The following RGS6 variants were observed in gnomAD, a reference collection of about 807,000 sequenced individuals.
RGS6 encodes the protein regulator of G-protein signaling 6.
A neutral mutation model predicts 78.5 loss-of-function variants in RGS6; 30 were observed. The ratio of observed to expected loss-of-function variants is 0.38; its 90% CI spans 0.29 to 0.52. The LOEUF (loss-of-function observed/expected upper bound fraction) is 0.52, where lower values mean the gene tolerates loss of function less well. RGS6 is among the 20% of genes least tolerant of loss of function. The pLI, the probability that RGS6 is intolerant of heterozygous loss-of-function variation, is 0.85. For missense variants in RGS6, 495 were observed against 609.7 expected (o/e 0.81, Z 1.98); for synonymous variants, 206 against 206.0 (o/e 1.00, Z 0.00).
At chr14:72,421,186 G>A (rs953496052) in intron 3 of RGS6, 3 of 151,986 alleles carry the variant, frequency 2.0e-5, no homozygotes, top group African/African-American at 7.3e-5. Flanking sequence ...GCATGGATTG[G>A]TTCGAATAAT....
chr14:72,287,000 T>G (rs987379042), intron 2 of RGS6, among the ~76,000 whole-genome samples: 1 of 152,212 alleles, frequency 6.6e-6, no homozygotes, highest in African/African-American at 2.4e-5. Flanking sequence ...GCCAGGCTGG[T>G]CTCAAACTCC....
At chr14:72,561,376 G>T (rs994027655) in intron 17 of RGS6, among the ~76,000 whole-genome samples, 8 of 152,192 alleles carry the variant, frequency 5.3e-5, no homozygotes, top group African/African-American at 1.7e-4. Context: ...CAATAATATG[G>T]GTTTGGAGTG....
intron 17 of RGS6, among the ~76,000 whole-genome samples, chr14:72,554,399 C>G (rs2097543746): frequency 6.6e-6 from 1 of 152,232 alleles, no homozygotes; most frequent in Non-Finnish European, 1.5e-5. Context: ...AACTAAATTC[C>G]AGCTTCACTG....
At chr14:72,042,134 T>C (rs1365290292) in intron 2 of RGS6, among the ~76,000 whole-genome samples, 1 of 136,950 alleles carries the variant, frequency 7.3e-6, no homozygotes, top group African/African-American at 2.9e-5. Context: ...TTTTTCTTTT[T>C]TTTTTTTTTT....
chr14:72,378,434 AAAAC>A (rs1353412131), intron 3 of RGS6, among the ~76,000 whole-genome samples: 5 of 152,102 alleles, frequency 3.3e-5, no homozygotes, highest in South Asian at 2.1e-4. Context: ...TTGGAAAAGA[AAAAC>A]AAAATTTTAA....
intron 2 of RGS6, among the ~76,000 whole-genome samples, chr14:72,022,007 T>C (rs1020002655): frequency 2.0e-5 from 3 of 152,150 alleles, no homozygotes; most frequent in Admixed American, 6.6e-5. Flanking sequence ...CTCCCACTTA[T>C]AAGAGAGAAC....
intron 2 of RGS6, among the ~76,000 whole-genome samples, chr14:72,162,670 A>G (rs1358148290): frequency 6.6e-6 from 1 of 152,202 alleles, no homozygotes; most frequent in Non-Finnish European, 1.5e-5. Context: ...AAAAGAAGTC[A>G]TTATACGAAA....
At chr14:72,446,510 G>A (rs562561002) in intron 3 of RGS6, among the ~76,000 whole-genome samples, 1 of 152,328 alleles carries the variant, frequency 6.6e-6, no homozygotes, top group Admixed American at 6.5e-5. Context: ...GAGTCAGCTA[G>A]AGCTGTGTTC....
chr14:72,357,418 G>A (rs1382192170), intron 3 of RGS6, among the ~76,000 whole-genome samples: 3 of 152,142 alleles, frequency 2.0e-5, no homozygotes, highest in Admixed American at 2.0e-4. Context: ...AGGAAGATGT[G>A]GGAAAGTTTA....
chr14:72,138,123 A>G (rs956336362), intron 2 of RGS6, among the ~76,000 whole-genome samples: 2 of 152,188 alleles, frequency 1.3e-5, no homozygotes, highest in South Asian at 4.1e-4. Context: ...TATCACACCT[A>G]TTATAAAGCA....
intron 2 of RGS6, among the ~76,000 whole-genome samples, chr14:72,147,820 G>A (rs890384033): frequency 3.9e-5 from 6 of 152,110 alleles, no homozygotes; most frequent in Admixed American, 6.5e-5. Context: ...GGCTATGCAG[G>A]ACCTTATAAC....
chr14:71,872,619 G>GT, the RGS6 span, among the ~76,000 whole-genome samples: 2 of 152,088 alleles, frequency 1.3e-5, no homozygotes, highest in African/African-American at 4.8e-5. Context: ...CCCAATATCA[G>GT]TAAGTTTTTT....
At chr14:71,899,288 C>G in the RGS6 span, among the ~76,000 whole-genome samples, 29 of 152,318 alleles carry the variant, frequency 1.9e-4, no homozygotes, top group African/African-American at 7.0e-4. Context: ...GCCTTTGCCA[C>G]GAAAATTCTT....
intron 2 of RGS6, chr14:71,990,915 A>G (rs1401926959): frequency 2.2e-6 from 1 of 450,574 alleles, no homozygotes; most frequent in Non-Finnish European, 4.5e-6. Context: ...CATCCTCCAC[A>G]TAGTTGGCAT....
chr14:72,359,837 A>C (rs902628677), intron 3 of RGS6, among the ~76,000 whole-genome samples: 1 of 152,220 alleles, frequency 6.6e-6, no homozygotes, highest in South Asian at 2.1e-4. Context: ...CATTGCCTTT[A>C]GCAATGCTGA....
chr14:72,280,882 G>C (rs917142738), intron 2 of RGS6, among the ~76,000 whole-genome samples: 1 of 152,140 alleles, frequency 6.6e-6, no homozygotes, highest in Non-Finnish European at 1.5e-5. Flanking sequence ...TCGTCCCACA[G>C]AAAATAGAAG....
intron 2 of RGS6, among the ~76,000 whole-genome samples, chr14:72,050,359 C>G (rs1395730668): frequency 6.6e-6 from 1 of 151,834 alleles, no homozygotes. Context: ...AACCTGTATG[C>G]AAAGCATGGA....
At chr14:72,201,966 AAAC>A (rs996383733) in intron 2 of RGS6, among the ~76,000 whole-genome samples, 2 of 152,198 alleles carry the variant, frequency 1.3e-5, no homozygotes, top group Non-Finnish European at 2.9e-5. Flanking sequence ...TAAAAAGTAA[AAAC>A]AACATTATTC....
intron 1 of RGS6, among the ~76,000 whole-genome samples, chr14:71,951,982 A>G (rs2092364709): frequency 6.6e-6 from 1 of 152,182 alleles, no homozygotes; most frequent in Non-Finnish European, 1.5e-5. Flanking sequence ...CTGAATCCTA[A>G]TAGTTCTGTG....
Sources: gnomAD v4.1 joint callset for allele counts (sites outside exome capture counted in the v4.1 genomes callset) on GRCh38, gnomAD v4.1.1 for gene constraint, MANE v1.5 for transcripts, NCBI Gene and HGNC (gene_info 2026-07-23, HGNC 2026-07-21) for gene names.